The following ATP7B variants were observed in gnomAD, a reference collection of about 807,000 sequenced individuals.
ATP7B encodes copper-transporting ATPase 2.
In ATP7B, 113 loss-of-function variants were observed where a neutral mutation model predicts 118.9. The observed-to-expected ratio is 0.95, with a 90% CI of 0.82 to 1.11. The LOEUF (loss-of-function observed/expected upper bound fraction) is 1.11. ATP7B is among the 50% of genes most tolerant of loss of function. The probability of loss-of-function intolerance (pLI) is 0.00; values close to 1 mark genes in which losing one functional copy is unlikely to be tolerated. For synonymous variants in ATP7B, 777 were observed against 727.4 expected (o/e 1.07, Z -1.10); for missense variants, 1,867 against 1,871.4 (o/e 1.00, Z 0.04).
chr13:51,953,445 C>T (rs1958134506), intron 9 of ATP7B, among the ~76,000 whole-genome samples: 1 of 152,206 alleles, frequency 6.6e-6, no homozygotes, highest in Non-Finnish European at 1.5e-5. Flanking sequence ...AGTTGGGTGT[C>T]TTTCTAAGAA....
At chr13:51,961,993 A>C in intron 5 of ATP7B, 80 bp from the exon 6 acceptor site, 1 of 1,231,482 alleles carries the variant, frequency 8.1e-7, no homozygotes. Context: ...AGCACTTTTC[A>C]GCTTTGGAAA....
intron 8 of ATP7B, 196 bp from the exon 9 acceptor site, chr13:51,957,803 A>G (rs1386207490): frequency 3.3e-6 from 2 of 613,232 alleles, no homozygotes; most frequent in Non-Finnish European, 2.9e-6. Flanking sequence ...AGTGATGCAC[A>G]GTGCCTGTGC....
Position 51,970,558 on chromosome 13 carries a change from G to T in ATP7B, c.1477C>A (p.Gln493Lys). The change falls in exon 3 of 21, where the codon CAG becomes AAG. Residue 493 changes from glutamine (Q) to lysine (K), a missense_variant. Physicochemically the swap from Gln to Lys is moderately conservative, Grantham distance 53. Transcript: ENST00000242839. ...RAVAPQKCFL[Q>K]IKGMTCASCV... ...GATGCACAGGTCATGCCTTTGATCT[G>T]TAAGAAGCACTTCTGCGGTGCCACT... 6.2e-7 allele frequency: 1 copy of T among 1,614,182 alleles called. No individual in the cohort carries two copies.
chr13:51,960,304 C>A lies in ATP7B; in HGVS notation c.1965G>T (p.Leu655=), dbSNP rs574041847. The stretch of plus-strand genomic sequence containing the variant: ...CAGGGATGCCAAACACCAGGCTGCA[C>A]AGGAAAGACTTCTTCCACCTGGAAA... ...MEIKQWKKSF[L]CSLVFGIPVM... is the part of the protein sequence containing the mutation. Residue 655 remains leucine (L), a synonymous_variant, in exon 7 of 21, where the codon CTG becomes CTT. Coordinates refer to ENST00000242839, the MANE Select transcript of ATP7B (RefSeq NM_000053.4). 18 of 1,613,450 alleles carry A rather than the reference C, an allele frequency of 1.1e-5. No homozygotes were observed. The highest frequency in any genetic ancestry group is 1.4e-5 in the Non-Finnish European group (16 of 1,179,830).
At chr13:51,952,589 T>C (rs375157927) in intron 9 of ATP7B, among the ~76,000 whole-genome samples, 2 of 152,346 alleles carry the variant, frequency 1.3e-5, no homozygotes, top group African/African-American at 4.8e-5. Flanking sequence ...AACCTGAAGA[T>C]GTCTTAGAAA....
At chr13:51,944,343 C>A (rs766906324) in intron 13 of ATP7B, 52 bp from the exon 14 acceptor site, 3 of 1,606,674 alleles carry the variant, frequency 1.9e-6, no homozygotes, top group Non-Finnish European at 1.7e-6. Flanking sequence ...GAGGGGCTTC[C>A]ATAGTCACAC....
chr13:52,007,217 TA>T (rs1369117631), intron 1 of ATP7B, among the ~76,000 whole-genome samples: 4 of 152,094 alleles, frequency 2.6e-5, no homozygotes, highest in Non-Finnish European at 5.9e-5. Context: ...GAGTTGCAAA[TA>T]AAAGCTATAT....
chr13:51,965,106 C>G, intron 4 of ATP7B, 73 bp from the exon 5 acceptor site: 1 of 1,594,832 alleles, frequency 6.3e-7, no homozygotes, highest in Non-Finnish European at 8.5e-7. Context: ...TCCAGGGAGT[C>G]TAGGTAACAG....
At chr13:52,003,583 A>C (rs1289402638) in intron 1 of ATP7B, among the ~76,000 whole-genome samples, 1 of 152,198 alleles carries the variant, frequency 6.6e-6, no homozygotes, top group African/African-American at 2.4e-5. Context: ...AAATGGCGTC[A>C]GTAGACTTGC....
At chr13:52,004,319 C>G (rs1379833641) in intron 1 of ATP7B, among the ~76,000 whole-genome samples, 4 of 152,198 alleles carry the variant, frequency 2.6e-5, no homozygotes, top group Admixed American at 2.6e-4. Context: ...CTATGTGCAA[C>G]TTGAAATACA....
intron 2 of ATP7B, among the ~76,000 whole-genome samples, chr13:51,971,952 C>T (rs1171799503): frequency 6.6e-6 from 1 of 152,266 alleles, no homozygotes; most frequent in Admixed American, 6.5e-5. Flanking sequence ...GGGCCCGCTG[C>T]TCCCTACAGT....
Position 51,934,444 on chromosome 13 carries a change from C to G in ATP7B, c.*312G>C. ...CATTTCACAGCAGTCATCCTAAATA[C>G]TCCAAGCAGAGGTCTGTGAGGAGGG... On this transcript the variant is annotated 3_prime_UTR_variant, in exon 21 of 21. Coordinates refer to ENST00000242839, the MANE Select transcript of ATP7B (RefSeq NM_000053.4). The G allele has an allele frequency of 2.3e-6, 1 of 436,262 alleles. No individual in the cohort carries two copies. 27.0% of individuals were successfully genotyped at this position (436,262 alleles called of 1,614,324 possible).
chr13:51,946,336 G>A lies in ATP7B; in HGVS notation c.3008C>T (p.Ala1003Val), dbSNP rs775055397. ...TCCCTTGATGAGGATGCCGTTCTGC[G>A]CGGCCACCCCGGTGCCCACCATGAC... ...TAVMVGTGVA[A>V]QNGILIKGGK... Residue 1003 changes from alanine to valine, a missense_variant, in exon 13 of 21, where the codon GCG (alanine) becomes GTG (valine). By Grantham distance (64) the Ala-to-Val change is moderately conservative. Coordinates refer to ENST00000242839, the MANE Select transcript of ATP7B (RefSeq NM_000053.4). 2.5e-5 allele frequency: 40 copies of A among 1,609,040 alleles called. No homozygotes were observed. The South Asian group carries it at 2.5e-4, about 10-fold the overall frequency.
intron 7 of ATP7B, 168 bp downstream of exon 7, chr13:51,959,980 G>T: frequency 2.1e-6 from 2 of 952,164 alleles, no homozygotes; most frequent in Non-Finnish European, 3.2e-6. Flanking sequence ...CCCACCTACT[G>T]GTCATTAAGA....
intron 3 of ATP7B, among the ~76,000 whole-genome samples, chr13:51,969,266 C>T (rs1175575848): frequency 3.3e-5 from 5 of 151,974 alleles, no homozygotes; most frequent in Non-Finnish European, 5.9e-5. Context: ...AATAGAGCTT[C>T]TGACTAGTCG....
At chr13:51,988,060 G>C (rs182172749) in intron 1 of ATP7B, among the ~76,000 whole-genome samples, 33 of 152,206 alleles carry the variant, frequency 2.2e-4, no homozygotes, top group African/African-American at 7.5e-4. Flanking sequence ...TGACAAATGG[G>C]ATCTAATTAA....
intron 8 of ATP7B, chr13:51,957,990 T>A: frequency 2.1e-6 from 1 of 469,888 alleles, no homozygotes; most frequent in South Asian, 2.1e-5. Context: ...TTGAGGAGGA[T>A]GTATGGATGT....
chr13:51,988,527 A>G (rs1279759587), intron 1 of ATP7B, among the ~76,000 whole-genome samples: 1 of 152,184 alleles, frequency 6.6e-6, no homozygotes, highest in Non-Finnish European at 1.5e-5. Context: ...AACCAGAAAT[A>G]CCATTTGACC....
rs760916074 is a variant in ATP7B at position 51,975,307 on chromosome 13, A to G, written c.52-139T>C. On this transcript the variant is annotated intron_variant, in intron 1 of 20. Coordinates refer to ENST00000242839, the MANE Select transcript of ATP7B (RefSeq NM_000053.4). Reference sequence around the variant, plus strand: ...CCAAGGGTAGAAGAACATAACATACACAGAAAGCAAGCTAAAGGCAGCATC... The same window carrying G: ...CCAAGGGTAGAAGAACATAACATACGCAGAAAGCAAGCTAAAGGCAGCATC... 7.7e-6 allele frequency: 9 copies of G among 1,164,318 alleles called. No individual in the cohort carries two copies. The African/African-American group carries it at 1.4e-4, about 18-fold the overall frequency. 72.1% of individuals were successfully genotyped at this position (1,164,318 alleles called of 1,614,324 possible).
Sources: gnomAD v4.1 joint callset for allele counts (sites outside exome capture counted in the v4.1 genomes callset) on GRCh38, gnomAD v4.1.1 for gene constraint, MANE v1.5 for transcripts, NCBI Gene and HGNC (gene_info 2026-07-23, HGNC 2026-07-21) for gene names.